The following MEI4 variants were observed in gnomAD, a reference collection of about 807,000 sequenced individuals.
MEI4 encodes meiosis-specific protein MEI4.
In MEI4, 27 loss-of-function variants were observed where a neutral mutation model predicts 31.4. The observed-to-expected ratio is 0.86, with a 90% CI of 0.63 to 1.19. The LOEUF (loss-of-function observed/expected upper bound fraction) is 1.19. Ranked by LOEUF, MEI4 falls within the 50% of genes most tolerant of loss-of-function variation. MEI4 has a pLI of 0.00. For synonymous variants in MEI4, 122 were observed against 145.4 expected (o/e 0.84, Z 1.16); for missense variants, 329 against 398.9 (o/e 0.82, Z 1.49).
At chr6:77,699,995 A>G (rs1042831823) in intron 2 of MEI4, among the ~76,000 whole-genome samples, 4 of 152,210 alleles carry the variant, frequency 2.6e-5, no homozygotes, top group African/African-American at 9.6e-5. Flanking sequence ...GTGAGGTGTC[A>G]GTCTGCCCCT....
chr6:77,886,549 G>A (rs1035353817), intron 4 of MEI4, among the ~76,000 whole-genome samples: 2 of 151,944 alleles, frequency 1.3e-5, no homozygotes, highest in Non-Finnish European at 1.5e-5. Context: ...TCCTGCCTCA[G>A]CCTCCCAAGT....
chr6:77,859,502 A>G (rs548094424), intron 4 of MEI4, among the ~76,000 whole-genome samples: 1 of 152,206 alleles, frequency 6.6e-6, no homozygotes, highest in East Asian at 1.9e-4. Flanking sequence ...AAGCATTCCT[A>G]TTTCTCCACA....
intron 2 of MEI4, among the ~76,000 whole-genome samples, chr6:77,735,043 C>G (rs1029599283): frequency 2.0e-5 from 3 of 151,994 alleles, no homozygotes; most frequent in Non-Finnish European, 2.9e-5. Flanking sequence ...GGTAACCGTA[C>G]CTTTCTCTCT....
intron 4 of MEI4, among the ~76,000 whole-genome samples, chr6:77,874,995 T>C (rs1431819048): frequency 6.6e-6 from 1 of 152,206 alleles, no homozygotes; most frequent in African/African-American, 2.4e-5. Context: ...AACTAAGTGG[T>C]CATAGCTGAA....
chr6:77,720,621 A>G (rs1386319562), intron 2 of MEI4, among the ~76,000 whole-genome samples: 1 of 135,138 alleles, frequency 7.4e-6, no homozygotes, highest in Non-Finnish European at 1.6e-5. Context: ...GTAAGACTTG[A>G]CACTGGGTGC....
chr6:77,735,550 A>G (rs914126338), intron 2 of MEI4, among the ~76,000 whole-genome samples: 15 of 152,026 alleles, frequency 9.9e-5, no homozygotes, highest in African/African-American at 3.1e-4. Context: ...TTTTTTTCAA[A>G]GTTTTCAACT....
intron 3 of MEI4, among the ~76,000 whole-genome samples, chr6:77,766,859 G>A (rs1296218712): frequency 6.6e-6 from 1 of 152,110 alleles, no homozygotes; most frequent in African/African-American, 2.4e-5. Flanking sequence ...AGGTAGCAGT[G>A]TTTGTTGTAT....
Position 77,919,811 on chromosome 6 carries a change from G to C in MEI4, c.901-3278G>C, listed in dbSNP as rs1486776938. On this transcript the variant is annotated intron_variant, in intron 4 of 4. Transcript: ENST00000684080. ...AATAGACGCAATAAAAAATGATAAA[G>C]GGGATATCACCACCGATCCCACAGA... Among the ~76,000 whole-genome samples the C allele has an allele frequency of 4.9e-4, 73 of 149,106 alleles. 2 individuals are homozygous for C. The highest frequency in any genetic ancestry group is 1.3e-3 in the African/African-American group (53 of 41,028).
chr6:77,923,587 C>CTTAT lies in MEI4; in HGVS notation c.*244_*247dup, dbSNP rs1766764324. On this transcript the variant is annotated 3_prime_UTR_variant, in exon 5 of 5. Coordinates refer to ENST00000684080, the MANE Select transcript of MEI4 (RefSeq NM_001322247.2). ...CATCCTTATTCCCATGTAACTGTAT[C>CTTAT]TTATTTCACTCAATATAGTTTAGCT... 3.6e-6 allele frequency: 1 copy of CTTAT among 275,224 alleles called. No homozygotes were observed. Among genetic ancestry groups the CTTAT allele is most frequent in the East Asian group, 6.2e-5 (1 of 16,038 alleles). 17.0% of individuals were successfully genotyped at this position (275,224 alleles called of 1,614,324 possible).
chr6:77,745,576 A>G lies in MEI4; in HGVS notation c.233-15554A>G, dbSNP rs534166878. Among the ~76,000 whole-genome samples, 207 of 152,308 alleles carry G rather than the reference A, an allele frequency of 1.4e-3. 1 individual carries two copies. Among genetic ancestry groups the G allele is most frequent in the African/African-American group, 4.4e-3 (181 of 41,558 alleles). ...GACAGATCAGTGAGACAGAAAGTTA[A>G]CAAGGATACCCAGGAATTGAACTCA... On this transcript the variant is annotated intron_variant, in intron 2 of 4. Transcript: ENST00000684080.
rs577673086 is a variant in MEI4 at position 77,848,820 on chromosome 6, G to C, written c.900+19758G>C. On this transcript the variant is annotated intron_variant, in intron 4 of 4. Coordinates refer to ENST00000684080, the MANE Select transcript of MEI4 (RefSeq NM_001322247.2). Reference sequence around the variant, plus strand: ...TCTCATTTATTAACCAATTTATTTTGAATATGAACTGTAGCTTCTTTCAAA... The same window carrying C: ...TCTCATTTATTAACCAATTTATTTTCAATATGAACTGTAGCTTCTTTCAAA... Among the ~76,000 whole-genome samples the C allele has an allele frequency of 6.6e-5, 10 of 152,178 alleles. No homozygotes were observed. In the East Asian group the frequency reaches 1.9e-3, roughly 29 times the overall value.
rs114522132 is a variant in MEI4 at position 77,709,211 on chromosome 6, A to G, written c.232+18308A>G. Among the ~76,000 whole-genome samples, 1,354 of 152,322 alleles carry G rather than the reference A, an allele frequency of 8.9e-3. 14 individuals carry two copies. Among genetic ancestry groups the G allele is most frequent in the African/African-American group, 0.03 (1,256 of 41,572 alleles). ...TTTTGTGCTTCAAAGTACACAAGAA[A>G]AAGATTGCATCCAGAGGAAGCTGTT... is the stretch of plus-strand genomic sequence containing the variant. On this transcript the variant is annotated intron_variant, in intron 2 of 4. Transcript: ENST00000684080.
intron 3 of MEI4, among the ~76,000 whole-genome samples, chr6:77,804,316 G>T (rs961678923): frequency 6.6e-6 from 1 of 152,178 alleles, no homozygotes; most frequent in East Asian, 1.9e-4. Context: ...CGCAGTATTA[G>T]GGTGGGAGTG....
At chr6:77,753,163 A>C (rs1767823936) in intron 2 of MEI4, among the ~76,000 whole-genome samples, 1 of 152,356 alleles carries the variant, frequency 6.6e-6, no homozygotes, top group Admixed American at 6.5e-5. Flanking sequence ...AAGAAAACCT[A>C]GGCAATACCA....
At chr6:77,829,156 T>C (rs1438004493) in intron 4 of MEI4, 94 bp downstream of exon 4, 2 of 978,478 alleles carry the variant, frequency 2.0e-6, no homozygotes, top group Non-Finnish European at 2.6e-6. Context: ...CTTTCCAGGC[T>C]GATGTTTTAG....
At chr6:77,715,943 G>T (rs530568645) in intron 2 of MEI4, among the ~76,000 whole-genome samples, 3 of 151,854 alleles carry the variant, frequency 2.0e-5, no homozygotes, top group South Asian at 2.1e-4. Context: ...ACACAGTTTT[G>T]TGAGCTTTTA....
chr6:77,898,545 A>G (rs1766129600), intron 4 of MEI4, among the ~76,000 whole-genome samples: 1 of 151,846 alleles, frequency 6.6e-6, no homozygotes, highest in Admixed American at 6.6e-5. Flanking sequence ...TATTCTAAAT[A>G]TTTTCTTTCA....
In MEI4 at chr6:77,800,878, A is replaced by G. The variant is rs541433021; in HGVS notation, c.769-28053A>G. ...TAGTGGATAAGCTTTTTGATGTGCT[A>G]CTGGATTTGGTTTCCCAGTATTTTA... is the stretch of plus-strand genomic sequence containing the variant. On this transcript the variant is annotated intron_variant, in intron 3 of 4. Coordinates refer to ENST00000684080, the MANE Select transcript of MEI4 (RefSeq NM_001322247.2). 2.6e-5 allele frequency among the ~76,000 whole-genome samples: 4 copies of G among 152,220 alleles called. No individual in the cohort carries two copies. The South Asian group carries it at 6.2e-4, about 24-fold the overall frequency.
chr6:77,920,954 A>G (rs1398757421), intron 4 of MEI4, among the ~76,000 whole-genome samples: 1 of 151,896 alleles, frequency 6.6e-6, no homozygotes, highest in African/African-American at 2.4e-5. Flanking sequence ...AGCATAATAA[A>G]TACTTAAGGA....
Sources: allele counts gnomAD v4.1 joint callset (sites outside exome capture counted in the v4.1 genomes callset), GRCh38; gene constraint gnomAD v4.1.1; transcripts MANE v1.5; gene names NCBI Gene and HGNC (gene_info 2026-07-23, HGNC 2026-07-21).